Variants in ELOVL4 observed in about 807,000 individuals in gnomAD.
ELOVL4 encodes ELOVL fatty acid elongase 4.
A neutral mutation model predicts 42.1 loss-of-function variants in ELOVL4; 18 were observed. The observed-to-expected ratio is 0.43, with a 90% CI of 0.30 to 0.63. ELOVL4 has a LOEUF of 0.63. Among genes scored for constraint, ELOVL4 ranks in the 30% least tolerant of loss-of-function variants. ELOVL4 has a pLI of 0.15. For synonymous variants in ELOVL4, 117 were observed against 127.0 expected, an observed-to-expected ratio of 0.92 and a Z score of 0.53; for missense variants, 299 against 376.2, an observed-to-expected ratio of 0.79 and a Z score of 1.70.
At chr6:79,922,497 T>C (rs1774275810) in intron 3 of ELOVL4, among the ~76,000 whole-genome samples, 1 of 152,206 alleles carries the variant, frequency 6.6e-6, no homozygotes, top group Non-Finnish European at 1.5e-5. Context: ...CATACTGAGA[T>C]TAAGGATCCA....
In ELOVL4 at chr6:79,932,529, G is replaced by C. The variant is rs187941740; in HGVS notation, c.101-6148C>G. Among the ~76,000 whole-genome samples the C allele has an allele frequency of 5.8e-3, 863 of 149,454 alleles. 8 individuals carry two copies. The highest frequency in any genetic ancestry group is 0.02 in the African/African-American group (812 of 39,960). On this transcript the variant is annotated intron_variant, in intron 1 of 5. Transcript: ENST00000369816. ...ACTGCACTCCAGCCTGGGTGACAGAGAGAGAGAGAGAGACTCCTTCTCAAA... is the reference window on the plus strand; with the variant it reads ...ACTGCACTCCAGCCTGGGTGACAGACAGAGAGAGAGAGACTCCTTCTCAAA...
At chr6:79,934,039 T>G (rs1774501338) in intron 1 of ELOVL4, among the ~76,000 whole-genome samples, 1 of 152,136 alleles carries the variant, frequency 6.6e-6, no homozygotes, top group Admixed American at 6.5e-5. Flanking sequence ...ACTGATCAGG[T>G]GAATGTTGAA....
intron 3 of ELOVL4, 28 bp downstream of exon 3, chr6:79,924,924 T>C: frequency 7.1e-7 from 1 of 1,412,832 alleles, no homozygotes; most frequent in Non-Finnish European, 1.0e-6. Context: ...CCACTTTTAC[T>C]GATTAAGAGT....
intron 1 of ELOVL4, among the ~76,000 whole-genome samples, chr6:79,934,342 G>T (rs1349904410): frequency 1.3e-5 from 2 of 152,088 alleles, no homozygotes; most frequent in Non-Finnish European, 2.9e-5. Flanking sequence ...AAAGGAAAGG[G>T]TGCAGAACAG....
rs1774215970 is a variant in ELOVL4, at chr6:79,919,475, C to T, written c.614G>A (p.Gly205Asp). ...CCAAAGATATTTCTGAATCCATGGGCCAAATGCAGTTAACCCATAGTATGA... is the reference window on the plus strand; with the variant it reads ...CCAAAGATATTTCTGAATCCATGGGTCAAATGCAGTTAACCCATAGTATGA... ...MYSYYGLTAF[G>D]PWIQKYLWWK... is the part of the protein sequence containing the mutation. Residue 205 changes from glycine to aspartate, a missense_variant, in exon 5 of 6, where the codon GGC (glycine) becomes GAC (aspartate). Transcript: ENST00000369816. 1 of 1,613,334 alleles carries T rather than the reference C, an allele frequency of 6.2e-7. No individual in the cohort carries two copies. The highest frequency in any genetic ancestry group is 1.7e-5 in the Admixed American group (1 of 59,980).
At chr6:79,942,522 G>C (rs1377454998) in intron 1 of ELOVL4, among the ~76,000 whole-genome samples, 1 of 152,060 alleles carries the variant, frequency 6.6e-6, no homozygotes, top group Non-Finnish European at 1.5e-5. Context: ...GCATTTACAG[G>C]TGACATTATC....
chr6:79,947,331 G>A lies in ELOVL4; in HGVS notation c.-52C>T, dbSNP rs1436068738. 2.1e-6 allele frequency: 3 copies of A among 1,448,186 alleles called. No homozygotes were observed. Among genetic ancestry groups the A allele is most frequent in the African/African-American group, 2.8e-5 (2 of 71,624 alleles). 89.7% of individuals were successfully genotyped at this position (1,448,186 alleles called of 1,614,324 possible). A position where few individuals can be genotyped will look rare whatever the true frequency, so the allele number is the denominator to read the frequency against. ...AGGAGAAAGCGGAGACCCAGAGAGA[G>A]GGCTGACCCCGGAGGCGGTGGCGGC... On this transcript the variant is annotated 5_prime_UTR_variant, in exon 1 of 6. Coordinates refer to ENST00000369816, the MANE Select transcript of ELOVL4 (RefSeq NM_022726.4).
chr6:79,933,704 C>T (rs1436672612), intron 1 of ELOVL4, among the ~76,000 whole-genome samples: 1 of 152,170 alleles, frequency 6.6e-6, no homozygotes, highest in Non-Finnish European at 1.5e-5. Flanking sequence ...CCAGGTCCTA[C>T]TGAATCAAAA....
Position 79,929,849 on chromosome 6 carries a change from T to C in ELOVL4, c.101-3468A>G, listed in dbSNP as rs535096081. Among the ~76,000 whole-genome samples, 34 of 152,302 alleles carry C rather than the reference T, an allele frequency of 2.2e-4. No homozygotes were observed. The South Asian group carries it at 6.4e-3, about 29-fold the overall frequency. On this transcript the variant is annotated intron_variant, in intron 1 of 5. Transcript: ENST00000369816. ...GTCCAGTGACCTTCTTTTAAACTGT[T>C]TTCTCCCTGAAAAGAGGGGCTGGGT...
chr6:79,924,593 T>C (rs1411771937), intron 3 of ELOVL4, among the ~76,000 whole-genome samples: 1 of 152,080 alleles, frequency 6.6e-6, no homozygotes, highest in Admixed American at 6.5e-5. Context: ...CTCAGCACTT[T>C]GGGAGGCTGA....
Position 79,947,512 on chromosome 6 carries a change from G to C in ELOVL4, c.-233C>G, listed in dbSNP as rs1281171896. ...TTCCCGGGAGAAAGACGAGGAGGTG[G>C]AGGAGGCCCAGCCGCCAGCACAGTG... On this transcript the variant is annotated 5_prime_UTR_variant, in exon 1 of 6. Coordinates refer to ENST00000369816, the MANE Select transcript of ELOVL4 (RefSeq NM_022726.4). 1 of 563,526 alleles carries C rather than the reference G, an allele frequency of 1.8e-6. No individual in the cohort carries two copies. The highest frequency in any genetic ancestry group is 2.0e-5 in the South Asian group (1 of 50,986). 34.9% of individuals were successfully genotyped at this position (563,526 alleles called of 1,614,324 possible).
At chr6:79,933,257 G>C (rs948035830) in intron 1 of ELOVL4, among the ~76,000 whole-genome samples, 1 of 151,994 alleles carries the variant, frequency 6.6e-6, no homozygotes, top group Non-Finnish European at 1.5e-5. Flanking sequence ...TTGGGACTGG[G>C]TCTGGCTCTG....
At chr6:79,923,067 C>T (rs113818724) in intron 3 of ELOVL4, among the ~76,000 whole-genome samples, 3 of 152,270 alleles carry the variant, frequency 2.0e-5, no homozygotes, top group African/African-American at 7.2e-5. Context: ...GATACAATCT[C>T]TTATTTCTCC....
intron 1 of ELOVL4, among the ~76,000 whole-genome samples, chr6:79,927,735 A>C (rs1038487222): frequency 4.6e-5 from 7 of 152,160 alleles, no homozygotes; most frequent in African/African-American, 1.7e-4. Context: ...ACTTGAAAGA[A>C]AAACACATAT....
chr6:79,930,357 C>T (rs1774422826), intron 1 of ELOVL4, among the ~76,000 whole-genome samples: 1 of 152,148 alleles, frequency 6.6e-6, no homozygotes, highest in African/African-American at 2.4e-5. Context: ...TTCAGCCTCC[C>T]AGGATTATCA....
rs200726708 is a variant in ELOVL4 at position 79,944,987 on chromosome 6, C to CAAAAAA, written c.100+2187_100+2192dup. On this transcript the variant is annotated intron_variant, in intron 1 of 5. Transcript: ENST00000369816. ...GGAATCAGAGCAGAGTGAATGAGTC[C>CAAAAAA]AAAAAAAAAAAAAAAAAAAAAAAAG... Among the ~76,000 whole-genome samples, 349 of 92,932 alleles carry CAAAAAA rather than the reference C, an allele frequency of 3.8e-3. 3 individuals carry two copies. The highest frequency in any genetic ancestry group is 7.2e-3 in the African/African-American group (207 of 28,926). 61.0% of individuals were successfully genotyped at this position (92,932 alleles called of 152,430 possible).
chr6:79,924,636 G>C (rs567668166), intron 3 of ELOVL4, among the ~76,000 whole-genome samples: 1 of 152,132 alleles, frequency 6.6e-6, no homozygotes, highest in African/African-American at 2.4e-5. Context: ...GGGAGTTCAA[G>C]ACCAGACTGG....
intron 1 of ELOVL4, among the ~76,000 whole-genome samples, chr6:79,942,302 A>G (rs529929800): frequency 3.3e-5 from 5 of 152,228 alleles, no homozygotes; most frequent in African/African-American, 1.2e-4. Flanking sequence ...CCAAACCCAC[A>G]TGATTTTAAA....
chr6:79,936,222 G>A (rs1774539955), intron 1 of ELOVL4, among the ~76,000 whole-genome samples: 1 of 152,160 alleles, frequency 6.6e-6, no homozygotes, highest in Admixed American at 6.5e-5. Flanking sequence ...AGCTTCAGGA[G>A]TATATTCAAG....
Sources: gnomAD v4.1 joint callset for allele counts (sites outside exome capture counted in the v4.1 genomes callset) on GRCh38, gnomAD v4.1.1 for gene constraint, MANE v1.5 for transcripts, NCBI Gene and HGNC (gene_info 2026-07-23, HGNC 2026-07-21) for gene names.